SECISBP2L: variants seen among roughly 807,000 people sequenced by gnomAD.
The protein encoded by SECISBP2L is SECIS binding protein 2 like, also known as selenocysteine insertion sequence-binding protein 2-like.
In SECISBP2L, 43 loss-of-function variants were observed where a neutral mutation model predicts 114.7. That is an observed-to-expected ratio of 0.38 (90% CI 0.29 to 0.48). SECISBP2L has a LOEUF of 0.48. Among genes scored for constraint, SECISBP2L ranks in the 20% least tolerant of loss-of-function variants. The pLI is 0.98. For missense variants in SECISBP2L, 1,136 were observed against 1,301.1 expected (o/e 0.87, Z 1.95); for synonymous variants, 451 against 439.7 (o/e 1.03, Z -0.32).
At chr15:49,028,857 T>C (rs768724119) in intron 4 of SECISBP2L, among the ~76,000 whole-genome samples, 175 bp from the exon 5 acceptor site, 2 of 152,192 alleles carry the variant, frequency 1.3e-5, no homozygotes, top group Non-Finnish European at 2.9e-5. Context: ...AGTTGGTTCA[T>C]AATGTTTTTT....
chr15:49,036,201 T>C (rs150695276), intron 2 of SECISBP2L, among the ~76,000 whole-genome samples: 67 of 152,304 alleles, frequency 4.4e-4, no homozygotes, highest in South Asian at 3.1e-3. Flanking sequence ...CTCCTGGCAA[T>C]AGAAGCAGGC....
intron 2 of SECISBP2L, 84 bp downstream of exon 2, chr15:49,037,507 A>G: frequency 8.1e-7 from 1 of 1,231,262 alleles, no homozygotes; most frequent in East Asian, 2.5e-5. Flanking sequence ...AAAGTCTAAA[A>G]GTTGCAAAGG....
chr15:49,004,048 G>A (rs1438765035), intron 14 of SECISBP2L, among the ~76,000 whole-genome samples: 1 of 152,078 alleles, frequency 6.6e-6, no homozygotes, highest in Non-Finnish European at 1.5e-5. Context: ...GGCAGAATTC[G>A]GCTGTGAATA....
Position 49,032,991 on chromosome 15 carries a change from A to G in SECISBP2L, c.638T>C (p.Leu213Pro). Reference sequence around the variant, plus strand: ...AGTTTGCTGTGAAGCATCTACCAGAAGCACAATTTTTGATCGACTATCAGG... The same window carrying G: ...AGTTTGCTGTGAAGCATCTACCAGAGGCACAATTTTTGATCGACTATCAGG... ...AGPDSRSKIV[L>P]LVDASQQTDF... Residue 213 changes from leucine (L) to proline (P), a missense_variant, in exon 4 of 18, where the codon CTT becomes CCT. Coordinates refer to ENST00000559471, the MANE Select transcript of SECISBP2L (RefSeq NM_001193489.2). The G allele has an allele frequency of 6.2e-7, 1 of 1,614,070 alleles. No individual in the cohort carries two copies. The highest frequency in any genetic ancestry group is 8.5e-7 in the Non-Finnish European group (1 of 1,179,970).
At chr15:49,026,681 AG>A (rs1193055446) in intron 7 of SECISBP2L, among the ~76,000 whole-genome samples, 1 of 152,232 alleles carries the variant, frequency 6.6e-6, no homozygotes, top group East Asian at 1.9e-4. Context: ...CTCCTATTTA[AG>A]TTTATTCACA....
intron 8 of SECISBP2L, among the ~76,000 whole-genome samples, chr15:49,018,560 C>T (rs1054209777): frequency 5.9e-5 from 9 of 152,090 alleles, no homozygotes; most frequent in African/African-American, 2.2e-4. Flanking sequence ...TTAGCCACCA[C>T]GCCCAGCATA....
intron 17 of SECISBP2L, 101 bp from the exon 18 acceptor site, chr15:48,993,027 A>C: frequency 9.5e-7 from 1 of 1,048,934 alleles, no homozygotes; most frequent in Non-Finnish European, 1.4e-6. Flanking sequence ...AAATATATAA[A>C]TTTGTTGGCT....
In SECISBP2L at chr15:48,990,240, C is replaced by A. The variant is rs1369591147; in HGVS notation, c.*2004G>T. 6.6e-6 allele frequency: 1 copy of A among 152,640 alleles called. No individual in the cohort carries two copies. The highest frequency in any genetic ancestry group is 1.5e-5 in the Non-Finnish European group (1 of 68,034). The allele number at this position is 152,640 out of a possible 1,614,324, so 9.5% of individuals were successfully genotyped here. On this transcript the variant is annotated 3_prime_UTR_variant, in exon 18 of 18. Transcript: ENST00000559471. ...CCATCATCTCAAGGTCAAGAGTTATCTGAATCACTGACATCGAGCAAAGGA... is the reference window on the plus strand; with the variant it reads ...CCATCATCTCAAGGTCAAGAGTTATATGAATCACTGACATCGAGCAAAGGA...
At position 49,028,557 on chromosome 15, in the gene SECISBP2L, T is replaced by C; in HGVS notation, c.790A>G (p.Ser264Gly). 1 of 1,614,176 alleles carries C rather than the reference T, an allele frequency of 6.2e-7. No individual in the cohort carries two copies. The highest frequency in any genetic ancestry group is 8.5e-7 in the Non-Finnish European group (1 of 1,180,016). The change falls in exon 5 of 18, where the codon AGT becomes GGT. Residue 264 changes from serine to glycine, a missense_variant. By Grantham distance (56) the Ser-to-Gly change is moderately conservative. Coordinates refer to ENST00000559471, the MANE Select transcript of SECISBP2L (RefSeq NM_001193489.2). ...CTATCACTGTCAATGTCGGCTTCAC[T>C]AGCCCCCTGCTCACTAGAAGATTCA... ...TAESSSEQGA[S>G]EADIDSDSGY...
chr15:49,026,009 TGTG>T (rs1902733297), intron 7 of SECISBP2L, among the ~76,000 whole-genome samples: 3 of 152,120 alleles, frequency 2.0e-5, no homozygotes, highest in Non-Finnish European at 4.4e-5. Flanking sequence ...GATGAAGAAA[TGTG>T]GTATATATAA....
rs1031821716 is a variant in SECISBP2L at position 49,028,336 on chromosome 15, C to T, written c.894+117G>A. ...AATAAAATACAAAATACATTTGTAA[C>T]TATCCTATTACTACAGGAATTGCTA... On this transcript the variant is annotated intron_variant, in intron 5 of 17. Transcript: ENST00000559471. 3 of 1,047,878 alleles carry T rather than the reference C, an allele frequency of 2.9e-6. No homozygotes were observed. In the African/African-American group the frequency reaches 4.8e-5, roughly 17 times the overall value. 64.9% of individuals were successfully genotyped at this position (1,047,878 alleles called of 1,614,324 possible).
chr15:49,039,854 C>T (rs1399503399), intron 1 of SECISBP2L, among the ~76,000 whole-genome samples: 1 of 151,942 alleles, frequency 6.6e-6, no homozygotes, highest in Non-Finnish European at 1.5e-5. Flanking sequence ...AAGTTCTTTA[C>T]GACATATGAG....
chr15:49,044,213 C>G (rs929814940), intron 1 of SECISBP2L, among the ~76,000 whole-genome samples: 4 of 152,080 alleles, frequency 2.6e-5, no homozygotes, highest in African/African-American at 9.7e-5. Flanking sequence ...ATTACATATA[C>G]TTTTCAATGA....
intron 1 of SECISBP2L, among the ~76,000 whole-genome samples, chr15:49,039,142 C>G (rs1050722774): frequency 6.6e-6 from 1 of 152,164 alleles, no homozygotes; most frequent in Non-Finnish European, 1.5e-5. Flanking sequence ...TCCTTCCTCC[C>G]TACCTGATTT....
At chr15:49,025,798 A>T (rs1169019789) in intron 7 of SECISBP2L, among the ~76,000 whole-genome samples, 1 of 152,226 alleles carries the variant, frequency 6.6e-6, no homozygotes, top group African/African-American at 2.4e-5. Context: ...AATGTAAATT[A>T]GTATGACCAC....
intron 16 of SECISBP2L, among the ~76,000 whole-genome samples, chr15:48,997,800 T>C (rs908642544): frequency 2.6e-5 from 4 of 151,566 alleles, no homozygotes; most frequent in Non-Finnish European, 4.4e-5. Context: ...AACCGGGAGG[T>C]GGAGGTTGTG....
chr15:49,009,414 A>T, intron 13 of SECISBP2L, 36 bp from the exon 14 acceptor site: 1 of 1,588,708 alleles, frequency 6.3e-7, no homozygotes, highest in Non-Finnish European at 8.6e-7. Context: ...AAAATTTAGA[A>T]ACTTCAAATG....
At chr15:49,032,575 C>T (rs1432156550) in intron 4 of SECISBP2L, among the ~76,000 whole-genome samples, 1 of 152,078 alleles carries the variant, frequency 6.6e-6, no homozygotes, top group Non-Finnish European at 1.5e-5. Flanking sequence ...TAAGTTCTTT[C>T]TACAAAGATA....
At chr15:48,997,269 TC>T (rs1902113810) in intron 16 of SECISBP2L, among the ~76,000 whole-genome samples, 1 of 152,216 alleles carries the variant, frequency 6.6e-6, no homozygotes, top group South Asian at 2.1e-4. Context: ...TGAGTGATGT[TC>T]AGGAATGTAG....
Sources: allele counts gnomAD v4.1 joint callset (sites outside exome capture counted in the v4.1 genomes callset), GRCh38; gene constraint gnomAD v4.1.1; transcripts MANE v1.5; gene names NCBI Gene and HGNC (gene_info 2026-07-23, HGNC 2026-07-21).